The following HHIPL1 variants were observed in gnomAD, a reference collection of about 807,000 sequenced individuals.
The protein encoded by HHIPL1 is HHIP like 1.
A neutral mutation model predicts 61.8 loss-of-function variants in HHIPL1; 43 were observed. That is an observed-to-expected ratio of 0.70 (90% CI 0.55 to 0.90). The LOEUF (loss-of-function observed/expected upper bound fraction) is 0.90, where lower values mean the gene tolerates loss of function less well. Ranked by LOEUF, HHIPL1 falls within the 40% of genes least tolerant of loss-of-function variation. The pLI is 0.00. For missense variants in HHIPL1, 1,056 were observed against 1,157.7 expected (o/e 0.91, Z 1.28); for synonymous variants, 482 against 515.8 (o/e 0.93, Z 0.89).
intron 8 of HHIPL1, among the ~76,000 whole-genome samples, chr14:99,673,876 G>A (rs1184055245): frequency 3.6e-5 from 4 of 110,332 alleles, no homozygotes; most frequent in African/African-American, 7.0e-5. Context: ...CAGGTTGCAC[G>A]GGGGGGTGCA....
the HHIPL1 span, among the ~76,000 whole-genome samples, chr14:99,607,478 G>A: frequency 6.6e-6 from 1 of 152,160 alleles, no homozygotes; most frequent in African/African-American, 2.4e-5. Flanking sequence ...GACTCTCCCA[G>A]GATGTGTGTG....
At chr14:99,615,396 A>C in the HHIPL1 span, among the ~76,000 whole-genome samples, 1 of 151,936 alleles carries the variant, frequency 6.6e-6, no homozygotes, top group East Asian at 1.9e-4. Flanking sequence ...AAAATTCAAA[A>C]ATATGGGCTT....
rs766711875 is a variant in HHIPL1, at chr14:99,652,786, G to A, written c.818G>A (p.Gly273Asp). The A allele has an allele frequency of 2.5e-6, 4 of 1,613,960 alleles. No homozygotes were observed. Among genetic ancestry groups the A allele is most frequent in the Non-Finnish European group, 3.4e-6 (4 of 1,180,042 alleles). ...NRRLYVYYSV[G>D]IRSSEWIRIS... The stretch of plus-strand genomic sequence containing the variant: ...AGGCTCTACGTCTACTACTCAGTGG[G>A]TATCCGCAGCAGTGAGTGGATCCGC... The change falls in exon 2 of 9, where the codon GGT becomes GAT. Residue 273 changes from glycine (G) to aspartate (D), a missense_variant. By Grantham distance (94) the Gly-to-Asp change is moderately conservative. Transcript: ENST00000330710.
At chr14:99,638,508 T>G in the HHIPL1 span, among the ~76,000 whole-genome samples, 4 of 152,154 alleles carry the variant, frequency 2.6e-5, no homozygotes, top group Admixed American at 6.5e-5. Flanking sequence ...CTATGTGCCC[T>G]GATAGTGGCA....
chr14:99,673,015 C>G (rs941320661), intron 8 of HHIPL1, among the ~76,000 whole-genome samples: 2 of 152,212 alleles, frequency 1.3e-5, no homozygotes, highest in Non-Finnish European at 2.9e-5. Flanking sequence ...CTGCAGTCCT[C>G]GCCTTCTCAG....
chr14:99,673,371 G>A (rs2056345876), intron 8 of HHIPL1, among the ~76,000 whole-genome samples: 1 of 151,276 alleles, frequency 6.6e-6, no homozygotes, highest in Non-Finnish European at 1.5e-5. Flanking sequence ...CAGAGCCACA[G>A]TGAGAAGTCA....
chr14:99,670,391 T>C (rs1011550579), intron 7 of HHIPL1, among the ~76,000 whole-genome samples: 2 of 152,136 alleles, frequency 1.3e-5, no homozygotes, highest in African/African-American at 4.8e-5. Context: ...GGATTACGGG[T>C]GTGAGCCCCC....
chr14:99,662,379 A>C (rs1311544818), intron 5 of HHIPL1, among the ~76,000 whole-genome samples: 1 of 152,142 alleles, frequency 6.6e-6, no homozygotes, highest in African/African-American at 2.4e-5. Context: ...AAGATGTTGG[A>C]GCTCCAGTGC....
In HHIPL1 at chr14:99,652,156, C is replaced by T. The variant is rs77169110; in HGVS notation, c.256-68C>T. ...CTGAGGCTCTGAGAGATGGGGGACC[C>T]GCCCAAGGTAACCTTGGGCTGGTAA... On this transcript the variant is annotated intron_variant, in intron 1 of 8. Transcript: ENST00000330710. 1.6e-4 allele frequency: 235 copies of T among 1,444,714 alleles called. 1 individual carries two copies. In the East Asian group the frequency reaches 4.0e-3, roughly 24 times the overall value. The allele number at this position is 1,444,714 out of a possible 1,614,324, so 89.5% of individuals were successfully genotyped here. A position where few individuals can be genotyped will look rare whatever the true frequency, so the allele number is the denominator to read the frequency against.
upstream of HHIPL1, chr14:99,645,027 C>T (rs1432477416): frequency 1.5e-4 from 72 of 470,002 alleles, 1 homozygote; most frequent in East Asian, 7.4e-5. Context: ...CGCCGCGTCC[C>T]TCTTCCTTCA....
chr14:99,662,468 G>T (rs890301390), intron 5 of HHIPL1, among the ~76,000 whole-genome samples: 6 of 152,178 alleles, frequency 3.9e-5, no homozygotes, highest in African/African-American at 1.4e-4. Flanking sequence ...TGCATTCAGC[G>T]GGCAGTAACC....
the HHIPL1 span, among the ~76,000 whole-genome samples, chr14:99,630,799 T>C: frequency 6.6e-6 from 1 of 152,184 alleles, no homozygotes; most frequent in Non-Finnish European, 1.5e-5. Flanking sequence ...GCAGCAGCCT[T>C]CCTTCTGAGG....
chr14:99,617,758 G>T, the HHIPL1 span, among the ~76,000 whole-genome samples: 1 of 152,122 alleles, frequency 6.6e-6, no homozygotes, highest in Non-Finnish European at 1.5e-5. Flanking sequence ...GCCAAGCCCG[G>T]GCCTGCCTGC....
the HHIPL1 span, among the ~76,000 whole-genome samples, chr14:99,638,056 C>T: frequency 1.1e-4 from 16 of 152,322 alleles, no homozygotes; most frequent in East Asian, 3.1e-3. Flanking sequence ...TGGTGTGTTC[C>T]TGGGTGTTCC....
intron 1 of HHIPL1, among the ~76,000 whole-genome samples, chr14:99,650,450 C>T (rs183514604): frequency 1.3e-5 from 2 of 152,310 alleles, no homozygotes; most frequent in East Asian, 1.9e-4. Context: ...CGCCACAGGC[C>T]GGCGGCTCTA....
chr14:99,677,022 A>T lies in HHIPL1; in HGVS notation c.*1396A>T, dbSNP rs2056399127. 6.6e-6 allele frequency: 1 copy of T among 152,462 alleles called. No individual in the cohort carries two copies. The highest frequency in any genetic ancestry group is 2.4e-5 in the African/African-American group (1 of 41,416). The allele number at this position is 152,462 out of a possible 1,614,324, so 9.4% of individuals were successfully genotyped here. ...GCTGTGCCAAGTTCTGGGAGCTGGC[A>T]CCAGGGGTGGCTGGGCAGGCCTTGG... is the stretch of plus-strand genomic sequence containing the variant. On this transcript the variant is annotated 3_prime_UTR_variant, in exon 9 of 9. Coordinates refer to ENST00000330710, the MANE Select transcript of HHIPL1 (RefSeq NM_001127258.3). The surrounding 1 kb of genome is among the most constrained non-coding windows in gnomAD (Gnocchi z 4.3).
At chr14:99,615,497 T>C in the HHIPL1 span, among the ~76,000 whole-genome samples, 3 of 151,982 alleles carry the variant, frequency 2.0e-5, no homozygotes, top group African/African-American at 7.3e-5. Flanking sequence ...TGAGCTGTGA[T>C]TGTGCCACTG....
At chr14:99,638,890 C>T in the HHIPL1 span, among the ~76,000 whole-genome samples, 1 of 152,248 alleles carries the variant, frequency 6.6e-6, no homozygotes, top group Non-Finnish European at 1.5e-5. Context: ...CACACAAGCA[C>T]CTCTGGCTCC....
intron 1 of HHIPL1, among the ~76,000 whole-genome samples, chr14:99,647,428 C>T (rs954410990): frequency 6.6e-6 from 1 of 152,222 alleles, no homozygotes; most frequent in Non-Finnish European, 1.5e-5. Context: ...GTGCCAGGCT[C>T]AGCACGGCAG....
Sources: gnomAD v4.1 joint callset for allele counts (sites outside exome capture counted in the v4.1 genomes callset) on GRCh38, gnomAD v4.1.1 for gene constraint, Gnocchi (gnomAD v3.1) non-coding constraint, MANE v1.5 for transcripts, NCBI Gene and HGNC (gene_info 2026-07-23, HGNC 2026-07-21) for gene names.